PDE4A: variants seen among roughly 807,000 people sequenced by gnomAD.
PDE4A encodes 3',5'-cyclic-AMP phosphodiesterase 4A.
PDE4A carries 21 observed loss-of-function variants against 73.9 expected under a neutral mutation model. The ratio of observed to expected loss-of-function variants is 0.28; its 90% CI spans 0.20 to 0.41. PDE4A has a LOEUF of 0.41. Among genes scored for constraint, PDE4A ranks in the 10% least tolerant of loss-of-function variants. The pLI is 1.00. For synonymous variants in PDE4A, 463 were observed against 505.4 expected (o/e 0.92, Z 1.13); for missense variants, 958 against 1,211.4 (o/e 0.79, Z 3.10).
intron 8 of PDE4A, chr19:10,459,070 C>T: frequency 3.0e-6 from 1 of 331,440 alleles, no homozygotes; most frequent in Non-Finnish European, 5.8e-6. Context: ...TGCTGGGTTC[C>T]TATCCTAGCT....
intron 13 of PDE4A, among the ~76,000 whole-genome samples, chr19:10,462,479 TTTTA>T (rs1457040110): frequency 2.6e-5 from 4 of 151,922 alleles, no homozygotes; most frequent in Non-Finnish European, 4.4e-5. Flanking sequence ...TTAAATTTAT[TTTTA>T]TTTACTTTGT....
intron 7 of PDE4A, among the ~76,000 whole-genome samples, chr19:10,455,966 C>G (rs1428988883): frequency 2.0e-5 from 3 of 151,334 alleles, no homozygotes; most frequent in Non-Finnish European, 2.9e-5. Context: ...AAAGGCCCCC[C>G]AACTTTAGCA....
At chr19:10,452,190 G>A (rs1438649532) in intron 6 of PDE4A, among the ~76,000 whole-genome samples, 1 of 151,752 alleles carries the variant, frequency 6.6e-6, no homozygotes, top group Non-Finnish European at 1.5e-5. Flanking sequence ...TGTAAGTGTG[G>A]CTGGCTGGGG....
At chr19:10,443,544 CAAAAA>C (rs58920826) in intron 1 of PDE4A, among the ~76,000 whole-genome samples, 2 of 120,964 alleles carry the variant, frequency 1.7e-5, no homozygotes, top group African/African-American at 3.1e-5. Flanking sequence ...GACCCTGTCT[CAAAAA>C]AAAAAAAAAA....
intron 1 of PDE4A, among the ~76,000 whole-genome samples, chr19:10,429,221 AAAAG>A (rs753035139): frequency 7.9e-5 from 12 of 151,130 alleles, no homozygotes; most frequent in Admixed American, 4.0e-4. Flanking sequence ...GGAGAAAAGG[AAAAG>A]AAAGAAAGAG....
intron 1 of PDE4A, among the ~76,000 whole-genome samples, chr19:10,444,358 C>T (rs1412410005): frequency 4.6e-5 from 7 of 150,972 alleles, no homozygotes; most frequent in Non-Finnish European, 1.0e-4. Context: ...ATTTGCCAGG[C>T]GTGGTGGTGC....
At chr19:10,427,715 T>C in intron 1 of PDE4A, 1 of 940,366 alleles carries the variant, frequency 1.1e-6, no homozygotes, top group Non-Finnish European at 1.3e-6. Flanking sequence ...CACTCCTCTC[T>C]GGGCCTTGGC....
At chr19:10,464,082 C>T in intron 14 of PDE4A, 107 bp downstream of exon 14, 1 of 1,404,940 alleles carries the variant, frequency 7.1e-7, no homozygotes, top group Non-Finnish European at 9.8e-7. Context: ...TCCACAATGC[C>T]AAGTTGTCCT....
intron 1 of PDE4A, among the ~76,000 whole-genome samples, chr19:10,438,326 T>C (rs1206659355): frequency 6.6e-6 from 1 of 151,426 alleles, no homozygotes; most frequent in African/African-American, 2.4e-5. Flanking sequence ...TTGGCCGGGA[T>C]GGTCTCGCTC....
At chr19:10,438,439 C>G (rs1287958531) in intron 1 of PDE4A, among the ~76,000 whole-genome samples, 1 of 151,834 alleles carries the variant, frequency 6.6e-6, no homozygotes, top group Non-Finnish European at 1.5e-5. Context: ...CAGACTGAAA[C>G]TTTAAGCACA....
At chr19:10,441,945 C>T (rs1446129214) in intron 1 of PDE4A, among the ~76,000 whole-genome samples, 1 of 151,914 alleles carries the variant, frequency 6.6e-6, no homozygotes, top group African/African-American at 2.4e-5. Context: ...CCGCTTCAGG[C>T]CTCCCAAAGT....
chr19:10,461,779 G>T lies in PDE4A; in HGVS notation c.1621-98G>T, dbSNP rs1275881486. Reference sequence around the variant, plus strand: ...GAGTCCCAGAGGAACCCTCAACCTGGACAGAGCGGGCGGCTTCTACCTGGT... The same window carrying T: ...GAGTCCCAGAGGAACCCTCAACCTGTACAGAGCGGGCGGCTTCTACCTGGT... On this transcript the variant is annotated intron_variant, in intron 12 of 14. Coordinates refer to ENST00000380702, the MANE Select transcript of PDE4A (RefSeq NM_001111307.2). 6 of 1,582,558 alleles carry T rather than the reference G, an allele frequency of 3.8e-6. No individual in the cohort carries two copies. The African/African-American group carries it at 5.4e-5, about 14-fold the overall frequency.
At position 10,466,789 on chromosome 19, in the gene PDE4A, C is replaced by T. The variant is rs1010781855; in HGVS notation, c.1927-98C>T. On this transcript the variant is annotated intron_variant, in intron 14 of 14. Coordinates refer to ENST00000380702, the MANE Select transcript of PDE4A (RefSeq NM_001111307.2). ...GATTATAGACATGAGCCACCATGCC[C>T]GGCCCATAAGCATGTTTTTCATTTC... is the stretch of plus-strand genomic sequence containing the variant. 8.7e-5 allele frequency: 131 copies of T among 1,512,366 alleles called. No homozygotes were observed. In the South Asian group the frequency reaches 1.3e-3, roughly 16 times the overall value. 93.7% of individuals were successfully genotyped at this position (1,512,366 alleles called of 1,614,324 possible). A position where few individuals can be genotyped will look rare whatever the true frequency, so the allele number is the denominator to read the frequency against.
rs533534125 is a variant in PDE4A, at chr19:10,458,607, G to GTTAT, written c.1101+512_1101+515dup. ...CTTCCATTCAGTCACCTGGCCTTTAGTTATTTATTTTTATTTATTTATTTA... is the reference window on the plus strand; with the variant it reads ...CTTCCATTCAGTCACCTGGCCTTTAGTTATTTATTTATTTTTATTTATTTATTTA... On this transcript the variant is annotated intron_variant, in intron 8 of 14. Coordinates refer to ENST00000380702, the MANE Select transcript of PDE4A (RefSeq NM_001111307.2). This position sits in a 1 kb window ranked among gnomAD's most constrained non-coding sequence, Gnocchi z 4.6. Among the ~76,000 whole-genome samples, 6 of 152,198 alleles carry GTTAT rather than the reference G, an allele frequency of 3.9e-5. No individual in the cohort carries two copies. The South Asian group carries it at 8.3e-4, about 21-fold the overall frequency.
chr19:10,419,056 CTTTTTTTTTTTTT>C (rs977830124), upstream of PDE4A: 4 of 817,232 alleles, frequency 4.9e-6, no homozygotes, highest in East Asian at 6.2e-4. Flanking sequence ...GACCGGCAGT[CTTTTTTTTTTTTT>C]TTTTTTTTTT....
intron 1 of PDE4A, chr19:10,428,854 T>G (rs554237192): frequency 1.0e-6 from 1 of 985,278 alleles, no homozygotes; most frequent in Non-Finnish European, 1.2e-6. Flanking sequence ...GATTCACTGT[T>G]GGGCGCAGTG....
At chr19:10,456,895 C>T (rs1031688223) in intron 7 of PDE4A, among the ~76,000 whole-genome samples, 3 of 152,062 alleles carry the variant, frequency 2.0e-5, no homozygotes, top group Non-Finnish European at 2.9e-5. Flanking sequence ...ACCGCCCAGA[C>T]AAGCTCAAGA....
At chr19:10,454,773 C>T in intron 6 of PDE4A, 56 bp from the exon 7 acceptor site, 3 of 1,611,182 alleles carry the variant, frequency 1.9e-6, no homozygotes, top group Non-Finnish European at 2.5e-6. Context: ...GACTGACACC[C>T]TCCTCACCAC....
rs1313309650 is a variant in PDE4A at position 10,420,769 on chromosome 19, A to G, written c.5A>G (p.Glu2Gly). 3 of 1,562,818 alleles carry G rather than the reference A, an allele frequency of 1.9e-6. No individual in the cohort carries two copies. In the African/African-American group the frequency reaches 4.2e-5, roughly 22 times the overall value. The change falls in exon 1 of 15, where the codon GAA becomes GGA. Residue 2 changes from glutamate (E) to glycine (G), a missense_variant. Coordinates refer to ENST00000380702, the MANE Select transcript of PDE4A (RefSeq NM_001111307.2). The surrounding 1 kb of genome is among the most constrained non-coding windows in gnomAD (Gnocchi z 6.0). M[E>G]PPTVPSERSL... The stretch of plus-strand genomic sequence containing the variant: ...GCGCAAGTGGGGGCCGGCGCCATGG[A>G]ACCCCCGACCGTCCCCTCGGAAAGG...
Sources: allele counts gnomAD v4.1 joint callset (sites outside exome capture counted in the v4.1 genomes callset), GRCh38; gene constraint gnomAD v4.1.1; non-coding constraint Gnocchi (gnomAD v3.1); transcripts MANE v1.5; gene names NCBI Gene and HGNC (gene_info 2026-07-23, HGNC 2026-07-21).